The following MSRA variants were observed in gnomAD, a reference collection of about 807,000 sequenced individuals.
MSRA encodes the protein methionine sulfoxide reductase A.
A neutral mutation model predicts 31.3 loss-of-function variants in MSRA; 54 were observed. That is an observed-to-expected ratio of 1.73 (90% CI 1.39 to 2.17). The LOEUF is 2.17. Ranked by LOEUF, MSRA falls within the 30% of genes most tolerant of loss-of-function variation. MSRA has a pLI of 0.00. For missense variants in MSRA, 507 were observed against 300.9 expected (o/e 1.69, Z -5.07); for synonymous variants, 169 against 116.5 (o/e 1.45, Z -2.90).
rs368591731 is a variant in MSRA at position 10,145,870 on chromosome 8, G to A, written c.143-61963G>A. Among the ~76,000 whole-genome samples, 22 of 152,258 alleles carry A rather than the reference G, an allele frequency of 1.4e-4. No homozygotes were observed. In the East Asian group the frequency reaches 4.2e-3, roughly 29 times the overall value. ...ATGATTTTGGCATTGTAACTTGAAA[G>A]CTTATTCAATATCATTGTTTCATCA... is the stretch of plus-strand genomic sequence containing the variant. On this transcript the variant is annotated intron_variant, in intron 1 of 5. Coordinates refer to ENST00000317173, the MANE Select transcript of MSRA (RefSeq NM_012331.5).
intron 5 of MSRA, among the ~76,000 whole-genome samples, chr8:10,333,556 T>G (rs56135604): frequency 6.6e-6 from 1 of 152,196 alleles, no homozygotes; most frequent in Admixed American, 6.5e-5. Flanking sequence ...TTGACCTGTC[T>G]AAGCCTAGGT....
chr8:10,126,627 C>T lies in MSRA; in HGVS notation c.142+71969C>T, dbSNP rs1348443248. The stretch of plus-strand genomic sequence containing the variant: ...TCCTGGGTTCAAGCAATTCTCGTGC[C>T]TCAGCCTCACAAGTAGATGGGATTA... On this transcript the variant is annotated intron_variant, in intron 1 of 5. Transcript: ENST00000317173. 3.3e-5 allele frequency among the ~76,000 whole-genome samples: 5 copies of T among 152,310 alleles called. No homozygotes were observed. In the East Asian group the frequency reaches 9.6e-4, roughly 29 times the overall value.
intron 1 of MSRA, among the ~76,000 whole-genome samples, chr8:10,174,348 C>T (rs1042405612): frequency 1.3e-5 from 2 of 152,082 alleles, no homozygotes; most frequent in Admixed American, 6.5e-5. Flanking sequence ...TGAGCGAAGG[C>T]ATGGCTAGGG....
intron 5 of MSRA, among the ~76,000 whole-genome samples, chr8:10,424,718 C>T (rs552813956): frequency 1.3e-5 from 2 of 152,250 alleles, no homozygotes; most frequent in Admixed American, 6.5e-5. Context: ...TGTTCTGATT[C>T]GGGGCCAGGG....
intron 5 of MSRA, among the ~76,000 whole-genome samples, chr8:10,425,283 AG>A (rs1809079500): frequency 6.6e-6 from 1 of 152,172 alleles, no homozygotes; most frequent in Admixed American, 6.5e-5. Context: ...GGCGGTGCAG[AG>A]GCGTGGGTGG....
At chr8:10,423,782 T>TC (rs765839893) in intron 5 of MSRA, among the ~76,000 whole-genome samples, 29 of 152,154 alleles carry the variant, frequency 1.9e-4, no homozygotes, top group Non-Finnish European at 3.7e-4. Flanking sequence ...CGTCCCCTTC[T>TC]CCCTCCCACC....
intron 3 of MSRA, among the ~76,000 whole-genome samples, chr8:10,294,919 C>G (rs1488840148): frequency 6.6e-6 from 1 of 152,164 alleles, no homozygotes; most frequent in East Asian, 1.9e-4. Flanking sequence ...GGCCTCATTT[C>G]TGTGTCTCTG....
At chr8:10,165,403 C>T (rs1460353125) in intron 1 of MSRA, among the ~76,000 whole-genome samples, 1 of 152,082 alleles carries the variant, frequency 6.6e-6, no homozygotes, top group Non-Finnish European at 1.5e-5. Context: ...ATTAAAAACC[C>T]AAGCTTAGGC....
intron 1 of MSRA, among the ~76,000 whole-genome samples, chr8:10,204,216 C>G (rs566473886): frequency 2.0e-4 from 31 of 152,096 alleles, no homozygotes; most frequent in African/African-American, 7.5e-4. Context: ...TAAAAAATTA[C>G]AGTAGCTGAG....
chr8:10,420,126 G>A (rs1340723382), intron 5 of MSRA, among the ~76,000 whole-genome samples: 2 of 152,148 alleles, frequency 1.3e-5, no homozygotes, highest in Admixed American at 1.3e-4. Flanking sequence ...GTATTCTGAC[G>A]CATGCCACCT....
chr8:10,059,440 G>A (rs1585061197), intron 1 of MSRA, among the ~76,000 whole-genome samples: 1 of 152,342 alleles, frequency 6.6e-6, no homozygotes, highest in Non-Finnish European at 1.5e-5. Context: ...GCTGGGATAT[G>A]AACGTAGTCA....
chr8:10,312,236 A>G (rs1585434779), intron 4 of MSRA, among the ~76,000 whole-genome samples: 1 of 152,336 alleles, frequency 6.6e-6, no homozygotes, highest in East Asian at 1.9e-4. Flanking sequence ...TCGATATTTC[A>G]CAATGGCTAC....
chr8:10,115,744 C>A (rs867784150), intron 1 of MSRA, among the ~76,000 whole-genome samples: 2 of 152,170 alleles, frequency 1.3e-5, no homozygotes, highest in Admixed American at 6.5e-5. Context: ...GGAGGATACA[C>A]TGGTCCCGCA....
chr8:10,108,853 T>G (rs948314327), intron 1 of MSRA, among the ~76,000 whole-genome samples: 1 of 152,058 alleles, frequency 6.6e-6, no homozygotes, highest in African/African-American at 2.4e-5. Context: ...TACCTCAACA[T>G]AAAAGCAGCC....
chr8:10,394,249 A>G (rs1806951604), intron 5 of MSRA, among the ~76,000 whole-genome samples: 3 of 152,184 alleles, frequency 2.0e-5, no homozygotes, highest in Admixed American at 6.5e-5. Flanking sequence ...ATGCATCTGT[A>G]CTTTTGGCAG....
intron 3 of MSRA, among the ~76,000 whole-genome samples, chr8:10,285,429 G>T (rs1349285070): frequency 1.3e-5 from 2 of 152,112 alleles, no homozygotes; most frequent in African/African-American, 4.8e-5. Flanking sequence ...TATACAATGT[G>T]TAATGATCAA....
chr8:10,168,682 G>A (rs1391226761), intron 1 of MSRA, among the ~76,000 whole-genome samples: 1 of 152,152 alleles, frequency 6.6e-6, no homozygotes, highest in East Asian at 1.9e-4. Context: ...TGACTCAGCT[G>A]GGATTCGACC....
intron 5 of MSRA, chr8:10,337,703 C>G: frequency 1.4e-6 from 1 of 702,574 alleles, no homozygotes; most frequent in Non-Finnish European, 2.6e-6. Flanking sequence ...CCTCCTCTCT[C>G]GGCAGCTGGT....
At chr8:10,296,133 G>T (rs1029934834) in intron 3 of MSRA, among the ~76,000 whole-genome samples, 1 of 152,182 alleles carries the variant, frequency 6.6e-6, no homozygotes, top group Non-Finnish European at 1.5e-5. Flanking sequence ...CTGAGCTGCA[G>T]TCTCCAGCAG....
Sources: allele counts gnomAD v4.1 joint callset (sites outside exome capture counted in the v4.1 genomes callset), GRCh38; gene constraint gnomAD v4.1.1; transcripts MANE v1.5; gene names NCBI Gene and HGNC (gene_info 2026-07-23, HGNC 2026-07-21).